Variants in SCFD2 observed in about 807,000 individuals in gnomAD.
SCFD2 encodes sec1 family domain containing 2, also known as sec1 family domain-containing protein 2.
SCFD2 carries 54 observed loss-of-function variants against 58.9 expected under a neutral mutation model. The ratio of observed to expected loss-of-function variants is 0.92; its 90% CI spans 0.74 to 1.15. SCFD2 has a LOEUF of 1.15. Among genes scored for constraint, SCFD2 ranks in the 50% most tolerant of loss-of-function variants. The pLI, the probability that SCFD2 is intolerant of heterozygous loss-of-function variation, is 0.00. For synonymous variants in SCFD2, 321 were observed against 335.9 expected, an observed-to-expected ratio of 0.96 and a Z score of 0.49; for missense variants, 805 against 836.6, an observed-to-expected ratio of 0.96 and a Z score of 0.47.
intron 5 of SCFD2, among the ~76,000 whole-genome samples, chr4:52,978,846 T>C (rs1219009775): frequency 1.3e-5 from 2 of 151,944 alleles, no homozygotes; most frequent in African/African-American, 4.8e-5. Flanking sequence ...TTGATAAGTA[T>C]CACATATAAG....
intron 4 of SCFD2, among the ~76,000 whole-genome samples, chr4:53,243,713 A>C (rs1203057441): frequency 2.0e-5 from 3 of 152,170 alleles, no homozygotes; most frequent in Non-Finnish European, 2.9e-5. Context: ...AAAGAGAGAA[A>C]AAAAAGAACC....
At chr4:53,121,665 G>A (rs2148892426) in intron 5 of SCFD2, among the ~76,000 whole-genome samples, 1 of 152,270 alleles carries the variant, frequency 6.6e-6, no homozygotes, top group South Asian at 2.1e-4. Flanking sequence ...CGGTGCTTAC[G>A]TAACAGACCT....
At chr4:53,109,591 C>A (rs1236740707) in intron 5 of SCFD2, among the ~76,000 whole-genome samples, 1 of 152,042 alleles carries the variant, frequency 6.6e-6, no homozygotes, top group Non-Finnish European at 1.5e-5. Context: ...AAACAGAGAG[C>A]CAAATCATGA....
chr4:53,087,494 C>G (rs1724341613), intron 5 of SCFD2, among the ~76,000 whole-genome samples: 1 of 152,040 alleles, frequency 6.6e-6, no homozygotes, highest in African/African-American at 2.4e-5. Flanking sequence ...CCACCACACC[C>G]AACTAATTTT....
chr4:53,093,544 T>G (rs577593874), intron 5 of SCFD2, among the ~76,000 whole-genome samples: 2 of 152,268 alleles, frequency 1.3e-5, no homozygotes, highest in African/African-American at 4.8e-5. Flanking sequence ...AAGGCTTCTG[T>G]GTAATAGCAA....
intron 4 of SCFD2, among the ~76,000 whole-genome samples, chr4:53,269,330 A>C (rs895766114): frequency 6.6e-6 from 1 of 152,134 alleles, no homozygotes; most frequent in Non-Finnish European, 1.5e-5. Context: ...TCTCAAAAAA[A>C]TTTAAAAAAG....
chr4:52,942,461 T>C (rs1320216325), intron 5 of SCFD2, among the ~76,000 whole-genome samples: 1 of 152,162 alleles, frequency 6.6e-6, no homozygotes, highest in African/African-American at 2.4e-5. Flanking sequence ...ATGTGGCTGT[T>C]AGGAGCAAGG....
intron 6 of SCFD2, among the ~76,000 whole-genome samples, chr4:52,917,431 A>G (rs1384878148): frequency 2.0e-5 from 3 of 152,092 alleles, no homozygotes; most frequent in Admixed American, 6.6e-5. Context: ...CTCTCTCACT[A>G]AGAATTAAAA....
rs774154783 is a variant in SCFD2, at chr4:53,220,067, CT to C, written c.1311+53758del. Among the ~76,000 whole-genome samples the C allele has an allele frequency of 1.1e-4, 17 of 152,306 alleles. 1 individual carries two copies. The highest frequency in any genetic ancestry group is 6.5e-4 in the Admixed American group (10 of 15,296). On this transcript the variant is annotated intron_variant, in intron 4 of 8. Coordinates refer to ENST00000401642, the MANE Select transcript of SCFD2 (RefSeq NM_152540.4). Reference sequence around the variant, plus strand: ...CCCAGTCAGCCTCATGGTTCACTCCCTCTCTTCATTCAAGTCTCCACTCAAA... The same window carrying C: ...CCCAGTCAGCCTCATGGTTCACTCCCCTCTTCATTCAAGTCTCCACTCAAA...
intron 5 of SCFD2, among the ~76,000 whole-genome samples, chr4:53,041,743 A>G (rs1722905864): frequency 6.6e-6 from 1 of 152,170 alleles, no homozygotes; most frequent in East Asian, 1.9e-4. Context: ...TACTGCTTCA[A>G]AAACCATGCT....
At chr4:53,003,455 C>T (rs184390369) in intron 5 of SCFD2, among the ~76,000 whole-genome samples, 2 of 152,202 alleles carry the variant, frequency 1.3e-5, no homozygotes, top group Admixed American at 1.3e-4. Context: ...AGCTATCATA[C>T]TGGGTAATGC....
intron 4 of SCFD2, among the ~76,000 whole-genome samples, chr4:53,180,303 C>A (rs1577810644): frequency 6.6e-6 from 1 of 152,200 alleles, no homozygotes; most frequent in South Asian, 2.1e-4. Context: ...TAAACTGTCT[C>A]TCAGACCACA....
chr4:52,908,114 A>C (rs1719391943), intron 6 of SCFD2, among the ~76,000 whole-genome samples: 1 of 152,190 alleles, frequency 6.6e-6, no homozygotes, highest in African/African-American at 2.4e-5. Flanking sequence ...CCAGGAAAAG[A>C]AGCTAAGATG....
At chr4:52,892,731 T>A (rs1259460911) in intron 7 of SCFD2, among the ~76,000 whole-genome samples, 1 of 152,186 alleles carries the variant, frequency 6.6e-6, no homozygotes, top group East Asian at 1.9e-4. Context: ...AATCCTCAAT[T>A]TTCTTATCCA....
intron 2 of SCFD2, 59 bp from the exon 3 acceptor site, chr4:53,313,822 T>G: frequency 1.3e-6 from 2 of 1,542,400 alleles, no homozygotes; most frequent in Non-Finnish European, 1.8e-6. Flanking sequence ...CTGGAAAGGG[T>G]TGAAAGCAAA....
intron 6 of SCFD2, 29 bp downstream of exon 6, chr4:52,920,696 G>C (rs1719713624): frequency 1.5e-6 from 2 of 1,371,142 alleles, no homozygotes. Flanking sequence ...CAACAGATTA[G>C]AAGGTTACTT....
chr4:53,122,163 G>A (rs1225148852), intron 5 of SCFD2, among the ~76,000 whole-genome samples: 4 of 152,184 alleles, frequency 2.6e-5, no homozygotes, highest in South Asian at 2.1e-4. Flanking sequence ...GATCACCTGA[G>A]GTCAGCAGTT....
At chr4:53,162,449 C>G (rs985232216) in intron 4 of SCFD2, among the ~76,000 whole-genome samples, 6 of 152,160 alleles carry the variant, frequency 3.9e-5, no homozygotes, top group Non-Finnish European at 5.9e-5. Flanking sequence ...AGTTTAAAAG[C>G]TGTCTGTAAT....
chr4:52,939,009 G>C (rs1048140835), intron 5 of SCFD2, among the ~76,000 whole-genome samples: 1 of 152,092 alleles, frequency 6.6e-6, no homozygotes, highest in Non-Finnish European at 1.5e-5. Context: ...CCTTTTACCT[G>C]CCTCAGTGAT....
Sources: gnomAD v4.1 joint callset for allele counts (sites outside exome capture counted in the v4.1 genomes callset) on GRCh38, gnomAD v4.1.1 for gene constraint, MANE v1.5 for transcripts, NCBI Gene and HGNC (gene_info 2026-07-23, HGNC 2026-07-21) for gene names.